The following LGR4 variants were observed in gnomAD, a reference collection of about 807,000 sequenced individuals.
LGR4 encodes the protein leucine rich repeat containing G protein-coupled receptor 4.
Under a neutral mutation model 84.8 loss-of-function variants are expected in LGR4, and 44 were observed. The ratio of observed to expected loss-of-function variants is 0.52; its 90% CI spans 0.41 to 0.67. LGR4 has a LOEUF of 0.67. Among genes scored for constraint, LGR4 ranks in the 30% least tolerant of loss-of-function variants. LGR4 has a pLI of 0.00. For synonymous variants in LGR4, 429 were observed against 434.3 expected (o/e 0.99, Z 0.15); for missense variants, 1,032 against 1,131.4 (o/e 0.91, Z 1.26).
intron 3 of LGR4, 26 bp from the exon 4 acceptor site, chr11:27,391,191 G>C: frequency 7.8e-7 from 1 of 1,275,174 alleles, no homozygotes; most frequent in Non-Finnish European, 1.1e-6. Flanking sequence ...TGGTTAGTGA[G>C]TAACAAGTGA....
intron 1 of LGR4, among the ~76,000 whole-genome samples, chr11:27,460,476 A>T (rs1297323122): frequency 6.6e-6 from 1 of 152,262 alleles, no homozygotes; most frequent in Non-Finnish European, 1.5e-5. Context: ...GTGCTCACGC[A>T]TACACAAATG....
intron 2 of LGR4, among the ~76,000 whole-genome samples, chr11:27,396,877 A>G (rs924682925): frequency 6.6e-6 from 1 of 152,150 alleles, no homozygotes; most frequent in African/African-American, 2.4e-5. Flanking sequence ...CTGTTTGTGA[A>G]GGTGGAGAGT....
At position 27,472,379 on chromosome 11, in the gene LGR4, C is replaced by G. The variant is rs1489073700; in HGVS notation, c.-77G>C. ...TGCCCTCCGATGTCCCCCGCCGCCC[C>G]CGGGCAGCCGGCCTGCGGGCTGGAG... On this transcript the variant is annotated 5_prime_UTR_variant, in exon 1 of 18. Transcript: ENST00000379214. 1 of 1,121,442 alleles carries G rather than the reference C, an allele frequency of 8.9e-7. No individual in the cohort carries two copies. The highest frequency in any genetic ancestry group is 1.6e-5 in the African/African-American group (1 of 61,334). The allele number at this position is 1,121,442 out of a possible 1,614,324, so 69.5% of individuals were successfully genotyped here.
At chr11:27,372,811 G>A (rs1862910004) in intron 15 of LGR4, among the ~76,000 whole-genome samples, 1 of 151,986 alleles carries the variant, frequency 6.6e-6, no homozygotes, top group African/African-American at 2.4e-5. Context: ...TATTTACTTG[G>A]TTTAAATAAA....
At chr11:27,436,908 G>A (rs761268175) in intron 1 of LGR4, among the ~76,000 whole-genome samples, 16 of 152,124 alleles carry the variant, frequency 1.1e-4, no homozygotes, top group Non-Finnish European at 2.2e-4. Flanking sequence ...GCGGGGATAG[G>A]AGGGGGTGTT....
At chr11:27,408,477 C>A (rs1188817539) in intron 2 of LGR4, among the ~76,000 whole-genome samples, 1 of 152,104 alleles carries the variant, frequency 6.6e-6, no homozygotes, top group Non-Finnish European at 1.5e-5. Context: ...ACAGCCACAG[C>A]AATTTTTTCA....
chr11:27,419,772 T>C (rs763796160), intron 1 of LGR4, among the ~76,000 whole-genome samples: 9 of 151,732 alleles, frequency 5.9e-5, no homozygotes, highest in Non-Finnish European at 1.2e-4. Context: ...AGACTACTGA[T>C]ACAAGCAACA....
chr11:27,380,343 T>C lies in LGR4; in HGVS notation c.903-4A>G, dbSNP rs1210511171. On this transcript the variant is annotated splice_region_variant and splice_polypyrimidine_tract_variant and intron_variant, in intron 9 of 17. Transcript: ENST00000379214. ...CATGCTTGCACCACGAATGACTCTTTATGAAATTGAGAAAGACAAGGTAAT... is the reference window on the plus strand; with the variant it reads ...CATGCTTGCACCACGAATGACTCTTCATGAAATTGAGAAAGACAAGGTAAT... 4.4e-6 allele frequency: 7 copies of C among 1,601,732 alleles called. No individual in the cohort carries two copies. Among genetic ancestry groups the C allele is most frequent in the Non-Finnish European group, 5.1e-6 (6 of 1,173,510 alleles).
chr11:27,404,586 T>C (rs1161194334), intron 2 of LGR4, among the ~76,000 whole-genome samples: 1 of 152,178 alleles, frequency 6.6e-6, no homozygotes, highest in African/African-American at 2.4e-5. Context: ...TTCTGCTTCC[T>C]TTGGGGAATT....
intron 17 of LGR4, 119 bp from the exon 18 acceptor site, chr11:27,369,262 G>A (rs1862836991): frequency 1.9e-5 from 13 of 684,826 alleles, no homozygotes; most frequent in Non-Finnish European, 2.5e-5. Context: ...CTCTCTACTT[G>A]AACAAAACTG....
rs374073866 is a variant in LGR4 at position 27,371,590 on chromosome 11, C to T, written c.1579+25G>A. ...CCTAATGTTTGTTTAACATGGGTAA[C>T]TGTGAAAAAATAGGCCAGGCATACC... On this transcript the variant is annotated intron_variant, in intron 17 of 17. Transcript: ENST00000379214. 169 of 1,513,188 alleles carry T rather than the reference C, an allele frequency of 1.1e-4. 2 individuals carry two copies. In the Middle Eastern group the frequency reaches 3.9e-3, roughly 35 times the overall value. The allele number at this position is 1,513,188 out of a possible 1,614,324, so 93.7% of individuals were successfully genotyped here. A position where few individuals can be genotyped will look rare whatever the true frequency, so the allele number is the denominator to read the frequency against.
At chr11:27,378,572 A>T (rs1443342783) in intron 11 of LGR4, 125 bp downstream of exon 11, 3 of 709,282 alleles carry the variant, frequency 4.2e-6, no homozygotes, top group Admixed American at 5.4e-5. Context: ...CTGCTCCTTT[A>T]CAACAACTAA....
At chr11:27,460,113 A>C (rs1864655723) in intron 1 of LGR4, among the ~76,000 whole-genome samples, 1 of 152,094 alleles carries the variant, frequency 6.6e-6, no homozygotes, top group South Asian at 2.1e-4. Context: ...AGAGCTGAGA[A>C]AGGAATTAAC....
At chr11:27,383,331 G>A (rs1863132952) in intron 6 of LGR4, among the ~76,000 whole-genome samples, 1 of 152,096 alleles carries the variant, frequency 6.6e-6, no homozygotes, top group Non-Finnish European at 1.5e-5. Flanking sequence ...AGAAACAATG[G>A]CAAATAAAAA....
intron 13 of LGR4, 97 bp downstream of exon 13, chr11:27,376,202 A>T (rs1278417420): frequency 2.7e-6 from 2 of 741,928 alleles, no homozygotes; most frequent in Non-Finnish European, 4.5e-6. Flanking sequence ...AATTAAAATT[A>T]TATCTTTAAG....
chr11:27,457,280 T>C (rs1484049750), intron 1 of LGR4, among the ~76,000 whole-genome samples: 1 of 152,190 alleles, frequency 6.6e-6, no homozygotes, highest in Non-Finnish European at 1.5e-5. Flanking sequence ...TTTAAAAAAA[T>C]CAGACATTCC....
intron 6 of LGR4, among the ~76,000 whole-genome samples, chr11:27,383,052 G>C (rs1863127474): frequency 6.6e-6 from 1 of 152,050 alleles, no homozygotes; most frequent in African/African-American, 2.4e-5. Flanking sequence ...AAAATAATCA[G>C]AAGGACCAGG....
intron 2 of LGR4, among the ~76,000 whole-genome samples, chr11:27,412,174 G>A (rs932759171): frequency 2.6e-5 from 4 of 152,092 alleles, no homozygotes; most frequent in African/African-American, 7.2e-5. Flanking sequence ...CAAAAAGGAG[G>A]TTGAAACAAG....
At chr11:27,428,491 C>T (rs185249424) in intron 1 of LGR4, among the ~76,000 whole-genome samples, 83 of 152,316 alleles carry the variant, frequency 5.4e-4, no homozygotes, top group African/African-American at 4.8e-4. Context: ...CTTGTGAGCA[C>T]GCTCTACGTG....
Sources: gnomAD v4.1 joint callset for allele counts (sites outside exome capture counted in the v4.1 genomes callset) on GRCh38, gnomAD v4.1.1 for gene constraint, MANE v1.5 for transcripts, NCBI Gene and HGNC (gene_info 2026-07-23, HGNC 2026-07-21) for gene names.